PRDM5: variants seen among roughly 807,000 people sequenced by gnomAD.
PRDM5 encodes the protein PR domain zinc finger protein 5.
In PRDM5, 56 loss-of-function variants were observed where a neutral mutation model predicts 81.2. The ratio of observed to expected loss-of-function variants is 0.69; its 90% CI spans 0.56 to 0.86. The LOEUF (loss-of-function observed/expected upper bound fraction) is 0.86. PRDM5 is among the 40% of genes least tolerant of loss of function. The pLI is 0.00. For synonymous variants in PRDM5, 267 were observed against 256.4 expected (o/e 1.04, Z -0.39); for missense variants, 697 against 770.1 (o/e 0.91, Z 1.12).
At chr4:120,892,116 C>T (rs199980103) in intron 2 of PRDM5, among the ~76,000 whole-genome samples, 9,305 of 152,114 alleles carry the variant, frequency 0.061, 363 homozygotes, top group East Asian at 0.15. Flanking sequence ...AGTTGTGTGG[C>T]TTTGAGTGAT....
chr4:120,822,875 A>G (rs1755469687), intron 3 of PRDM5, among the ~76,000 whole-genome samples: 2 of 152,156 alleles, frequency 1.3e-5, no homozygotes, highest in South Asian at 2.1e-4. Flanking sequence ...CATTTTGAAC[A>G]CTCTTGGAAG....
rs183073294 is a variant in PRDM5, at chr4:120,686,439, T to G, written n.104-1414A>C. On this transcript the variant is annotated intron_variant and non_coding_transcript_variant, in intron 1 of 1. Transcript: ENST00000513741. ...ATTTCCTCAGTTAAAGCAAAACTGT[T>G]CAGGATATTTCGTGCTTCTAACTGA... 4.6e-5 allele frequency among the ~76,000 whole-genome samples: 7 copies of G among 152,268 alleles called. No homozygotes were observed. The East Asian group carries it at 1.2e-3, about 25-fold the overall frequency.
downstream of PRDM5, among the ~76,000 whole-genome samples, chr4:120,689,225 C>A (rs1268013077): frequency 2.6e-5 from 4 of 152,136 alleles, no homozygotes; most frequent in Non-Finnish European, 5.9e-5. Context: ...AGAAAGGAAA[C>A]AATTTAATAT....
intron 15 of PRDM5, among the ~76,000 whole-genome samples, chr4:120,703,611 T>G (rs1735688990): frequency 6.6e-6 from 1 of 152,170 alleles, no homozygotes; most frequent in African/African-American, 2.4e-5. Flanking sequence ...ATCTTACAAC[T>G]TTCACCATGT....
chr4:120,709,267 T>A (rs1274291680), intron 15 of PRDM5, among the ~76,000 whole-genome samples: 1 of 152,174 alleles, frequency 6.6e-6, no homozygotes, highest in Admixed American at 6.5e-5. Context: ...ATCCTTCCAA[T>A]AAAAGCAGCA....
At chr4:120,744,531 T>C (rs1302787752) in intron 14 of PRDM5, among the ~76,000 whole-genome samples, 2 of 151,784 alleles carry the variant, frequency 1.3e-5, no homozygotes, top group Non-Finnish European at 2.9e-5. Context: ...GATAGACCGC[T>C]AGCAAGACTA....
rs1047220614 is a variant in PRDM5 at position 120,728,286 on chromosome 4, C to A, written c.1624-17873G>T. On this transcript the variant is annotated intron_variant, in intron 14 of 15. Transcript: ENST00000264808. ...AAAGACAGGAAAAACCTTAATAATC[C>A]ATCTGTCTGATATGTCATTACAGTA... Among the ~76,000 whole-genome samples, 34 of 152,018 alleles carry A rather than the reference C, an allele frequency of 2.2e-4. 1 individual carries two copies. The highest frequency in any genetic ancestry group is 7.4e-5 in the Non-Finnish European group (5 of 68,002).
chr4:120,881,969 T>A lies in PRDM5; in HGVS notation c.177+25505A>T, dbSNP rs565814081. ...AGGCAGGAACCAAGCTGACCAAATCTACAGATCCTGTTGAAATCATATGAA... is the reference window on the plus strand; with the variant it reads ...AGGCAGGAACCAAGCTGACCAAATCAACAGATCCTGTTGAAATCATATGAA... On this transcript the variant is annotated intron_variant, in intron 2 of 15. Transcript: ENST00000264808. 1.4e-4 allele frequency among the ~76,000 whole-genome samples: 21 copies of A among 152,340 alleles called. No homozygotes were observed. In the South Asian group the frequency reaches 4.3e-3, roughly 32 times the overall value.
intron 3 of PRDM5, among the ~76,000 whole-genome samples, chr4:120,846,821 T>A (rs185103517): frequency 2.6e-5 from 4 of 152,312 alleles, no homozygotes; most frequent in Admixed American, 2.6e-4. Flanking sequence ...CTAGATCATC[T>A]TTTTAGTCAT....
chr4:120,853,376 C>G (rs1356178660), intron 3 of PRDM5, 42 bp downstream of exon 3: 1 of 1,612,886 alleles, frequency 6.2e-7, no homozygotes, highest in African/African-American at 1.3e-5. Context: ...AATTCATCCC[C>G]CCTCACAGTG....
chr4:120,720,225 A>T (rs1738400020), intron 14 of PRDM5, among the ~76,000 whole-genome samples: 1 of 152,180 alleles, frequency 6.6e-6, no homozygotes, highest in Non-Finnish European at 1.5e-5. Context: ...CTCCAAGAAT[A>T]AAAGAGAGCT....
intron 1 of PRDM5, among the ~76,000 whole-genome samples, chr4:120,911,341 A>G (rs1766485267): frequency 6.6e-6 from 1 of 152,222 alleles, no homozygotes; most frequent in Non-Finnish European, 1.5e-5. Flanking sequence ...TGTGCAGGTC[A>G]AATAAAATGT....
intron 14 of PRDM5, among the ~76,000 whole-genome samples, chr4:120,736,052 T>TC: frequency 1.9e-4 from 2 of 10,808 alleles, no homozygotes; most frequent in Admixed American, 2.5e-3. Context: ...TGTATGTCCA[T>TC]TTTTTTAGCA....
intron 14 of PRDM5, among the ~76,000 whole-genome samples, chr4:120,736,239 GTA>G (rs1741111040): frequency 7.6e-6 from 1 of 132,424 alleles, no homozygotes; most frequent in Non-Finnish European, 1.6e-5. Flanking sequence ...GTGTGTGTGT[GTA>G]TCACATTTTC....
At chr4:120,818,191 A>T in intron 5 of PRDM5, 162 bp downstream of exon 5, 1 of 673,758 alleles carries the variant, frequency 1.5e-6, no homozygotes, top group African/African-American at 1.8e-5. Flanking sequence ...AAGATGAGTT[A>T]ATGACAATAC....
chr4:120,881,120 T>C (rs527880336), intron 2 of PRDM5, among the ~76,000 whole-genome samples: 1 of 152,330 alleles, frequency 6.6e-6, no homozygotes, highest in South Asian at 2.1e-4. Context: ...AGCTAGGTTA[T>C]AAAATGTTTT....
intron 10 of PRDM5, among the ~76,000 whole-genome samples, chr4:120,795,588 CAAAA>C (rs199790541): frequency 0.27 from 29,652 of 111,356 alleles, 3,526 homozygotes; most frequent in Non-Finnish European, 0.34. Flanking sequence ...ACTAAATTTT[CAAAA>C]AAAAAAAAAA....
At chr4:120,772,556 T>C (rs1747453098) in intron 13 of PRDM5, among the ~76,000 whole-genome samples, 1 of 152,112 alleles carries the variant, frequency 6.6e-6, no homozygotes, top group African/African-American at 2.4e-5. Context: ...AAATTTACTA[T>C]GAAGAATGCT....
chr4:120,772,332 T>C (rs1747416295), intron 13 of PRDM5, among the ~76,000 whole-genome samples: 1 of 152,214 alleles, frequency 6.6e-6, no homozygotes, highest in African/African-American at 2.4e-5. Flanking sequence ...GGAGTTGAGT[T>C]CTAGACTATA....
Sources: allele counts gnomAD v4.1 joint callset (sites outside exome capture counted in the v4.1 genomes callset), GRCh38; gene constraint gnomAD v4.1.1; transcripts MANE v1.5; gene names NCBI Gene and HGNC (gene_info 2026-07-23, HGNC 2026-07-21).